FAM234B: variants seen among roughly 807,000 people sequenced by gnomAD.
The protein encoded by FAM234B is protein FAM234B.
FAM234B carries 33 observed loss-of-function variants against 69.3 expected under a neutral mutation model. That is an observed-to-expected ratio of 0.48 (90% CI 0.36 to 0.64). FAM234B has a LOEUF of 0.64. Ranked by LOEUF, FAM234B falls within the 30% of genes least tolerant of loss-of-function variation. The pLI, the probability that FAM234B is intolerant of heterozygous loss-of-function variation, is 0.00. For synonymous variants in FAM234B, 306 were observed against 306.9 expected, an observed-to-expected ratio of 1.00 and a Z score of 0.03; for missense variants, 697 against 769.7, an observed-to-expected ratio of 0.91 and a Z score of 1.12.
chr12:13,073,908 A>C (rs1865134594), intron 10 of FAM234B, among the ~76,000 whole-genome samples: 1 of 152,186 alleles, frequency 6.6e-6, no homozygotes, highest in Admixed American at 6.5e-5. Flanking sequence ...CCCTCGTGAA[A>C]ATGAGCTATC....
chr12:13,049,750 T>C (rs1864854882), intron 1 of FAM234B, among the ~76,000 whole-genome samples: 1 of 152,236 alleles, frequency 6.6e-6, no homozygotes, highest in African/African-American at 2.4e-5. Context: ...GGGAAGTATA[T>C]GTTCATTATT....
chr12:13,044,894 G>T lies in FAM234B; in HGVS notation c.37+454G>T, dbSNP rs548273980. On this transcript the variant is annotated intron_variant, in intron 1 of 12. Transcript: ENST00000197268. This position sits in a 1 kb window ranked among gnomAD's most constrained non-coding sequence, Gnocchi z 5.6. ...CCCTCCACCTAACGGCAGCAACGAC[G>T]CATCCATGAGGCAGGTGGGACAGGT... Among the ~76,000 whole-genome samples, 2 of 152,334 alleles carry T rather than the reference G, an allele frequency of 1.3e-5. No homozygotes were observed. The highest frequency in any genetic ancestry group is 4.1e-4 in the South Asian group (2 of 4,828).
chr12:13,053,074 T>A (rs1184053567), intron 1 of FAM234B, among the ~76,000 whole-genome samples: 2 of 152,228 alleles, frequency 1.3e-5, no homozygotes, highest in Non-Finnish European at 2.9e-5. Context: ...CTGAAAGTAC[T>A]ATTTTGAATT....
At chr12:13,078,120 G>GT (rs1266049826) in intron 11 of FAM234B, among the ~76,000 whole-genome samples, 12 of 151,644 alleles carry the variant, frequency 7.9e-5, no homozygotes, top group African/African-American at 2.4e-4. Flanking sequence ...GGGGTTGTTT[G>GT]TTTTTTTCTT....
intron 5 of FAM234B, among the ~76,000 whole-genome samples, chr12:13,066,075 GACTGCTTT>G (rs1865033047): frequency 6.6e-6 from 1 of 152,160 alleles, no homozygotes; most frequent in South Asian, 2.1e-4. Flanking sequence ...TGTTATTTAT[GACTGCTTT>G]CACACAAGAA....
rs764989132 is a variant in FAM234B at position 13,055,654 on chromosome 12, C to A, written c.141C>A (p.Val47=). 1.9e-6 allele frequency: 3 copies of A among 1,614,008 alleles called. No homozygotes were observed. In the African/African-American group the frequency reaches 4.0e-5, roughly 22 times the overall value. ...TTAACCTGCAGAAGAATGGAGGGGT[C>A]AAAAATGGGAAGAGTCCTTTGGGAG... ...LVLNLQKNGG[V]KNGKSPLGEA... The change falls in exon 2 of 13, where the codon GTC becomes GTA. Residue 47 remains valine, a synonymous_variant. Transcript: ENST00000197268.
intron 1 of FAM234B, among the ~76,000 whole-genome samples, chr12:13,048,624 C>T (rs1864838664): frequency 6.6e-6 from 1 of 151,514 alleles, no homozygotes; most frequent in African/African-American, 2.4e-5. Context: ...TTTTTAAAGC[C>T]TTGATTTTTT....
At chr12:13,072,294 A>G (rs549012781) in intron 10 of FAM234B, among the ~76,000 whole-genome samples, 2 of 152,274 alleles carry the variant, frequency 1.3e-5, no homozygotes, top group Admixed American at 6.5e-5. Flanking sequence ...TGAGGATCAG[A>G]TTTACCTAAA....
At chr12:13,066,220 C>T (rs974254074) in intron 5 of FAM234B, among the ~76,000 whole-genome samples, 14 of 152,150 alleles carry the variant, frequency 9.2e-5, no homozygotes, top group African/African-American at 2.2e-4. Flanking sequence ...TGTCCAGGCC[C>T]GACATCTGGT....
Position 13,055,821 on chromosome 12 carries a change from G to T in FAM234B, c.308G>T (p.Arg103Leu). The stretch of plus-strand genomic sequence containing the variant: ...GCCTCCTCCCTGGTGTCATATGTGC[G>T]CACGTCTGTCTTCCTGCTGACTTTG... ...KAASSLVSYV[R>L]TSVFLLTLGI... The change falls in exon 2 of 13, where the codon CGC (arginine) becomes CTC (leucine). Residue 103 changes from arginine (R) to leucine (L), a missense_variant. By Grantham distance (102) the Arg-to-Leu change is moderately radical (BLOSUM62 -2). Around this residue, in one of 3 missense-constraint regions of FAM234B, gnomAD observed 380 missense variants for 447.1 expected, o/e 0.85. Transcript: ENST00000197268. The T allele has an allele frequency of 1.2e-6, 2 of 1,614,120 alleles. No individual in the cohort carries two copies. Among genetic ancestry groups the T allele is most frequent in the Non-Finnish European group, 1.7e-6 (2 of 1,180,018 alleles).
intron 1 of FAM234B, among the ~76,000 whole-genome samples, chr12:13,047,781 G>A (rs916244606): frequency 3.3e-5 from 5 of 152,200 alleles, no homozygotes; most frequent in Non-Finnish European, 7.3e-5. Flanking sequence ...AGTGCCCTAA[G>A]CTTGGAAGCT....
rs1865248913 is a variant in FAM234B, at chr12:13,082,600, G to A, written c.*1970G>A. The A allele has an allele frequency of 6.6e-6, 1 of 152,154 alleles. No individual in the cohort carries two copies. Among genetic ancestry groups the A allele is most frequent in the South Asian group, 2.1e-4 (1 of 4,828 alleles). The allele number at this position is 152,154 out of a possible 1,614,324, so 9.4% of individuals were successfully genotyped here. ...GATTTGAATCTACTTGAGTTTAAGG[G>A]CCTGGGACCTAATTTGGTTTAGTAT... On this transcript the variant is annotated 3_prime_UTR_variant, in exon 13 of 13. Transcript: ENST00000197268.
chr12:13,045,908 T>C (rs1454404743), intron 1 of FAM234B, among the ~76,000 whole-genome samples: 5 of 152,088 alleles, frequency 3.3e-5, no homozygotes, highest in Admixed American at 6.5e-5. Flanking sequence ...TGAGAATGCA[T>C]GAAAATCTTG....
In FAM234B at chr12:13,071,320, CCT is replaced by C. The variant is rs1565511350; in HGVS notation, c.1450_1451del (p.Ala485SerfsTer30). 1 of 1,614,152 alleles carries C rather than the reference CCT, an allele frequency of 6.2e-7. No individual in the cohort carries two copies. Among genetic ancestry groups the C allele is most frequent in the African/African-American group, 1.3e-5 (1 of 75,038 alleles). On this transcript the variant is annotated frameshift_variant, in exon 10 of 13. Coordinates refer to ENST00000197268, the MANE Select transcript of FAM234B (RefSeq NM_020853.2). LOFTEE classifies it high-confidence loss of function. ...TGTCACATGAAAGAAACGCCAGCCA[CCT>C]CAGCAGTTACTTCAGACCAGAAGTC...
In FAM234B at chr12:13,077,377, G is replaced by A. The variant is rs1465531811; in HGVS notation, c.1642+1234G>A. ...GCTGGTGTGCTGCACCCATTAACTC[G>A]TCATCTAGCATTAGGTATATCTCCT... On this transcript the variant is annotated intron_variant, in intron 11 of 12. Coordinates refer to ENST00000197268, the MANE Select transcript of FAM234B (RefSeq NM_020853.2). 3.3e-5 allele frequency among the ~76,000 whole-genome samples: 5 copies of A among 149,696 alleles called. No individual in the cohort carries two copies. In the East Asian group the frequency reaches 5.9e-4, roughly 18 times the overall value.
rs977860141 is a variant in FAM234B at position 13,048,643 on chromosome 12, G to A, written c.37+4203G>A. On this transcript the variant is annotated intron_variant, in intron 1 of 12. Coordinates refer to ENST00000197268, the MANE Select transcript of FAM234B (RefSeq NM_020853.2). ...TAAAGCCTTGATTTTTTTTCCACGG[G>A]ATCATATGTAGCCCGTACAGACTTT... Among the ~76,000 whole-genome samples the A allele has an allele frequency of 3.3e-5, 5 of 151,984 alleles. No individual in the cohort carries two copies. In the East Asian group the frequency reaches 7.7e-4, roughly 23 times the overall value.
chr12:13,070,005 C>A (rs1030529100), intron 9 of FAM234B, among the ~76,000 whole-genome samples: 3 of 151,850 alleles, frequency 2.0e-5, no homozygotes, highest in Non-Finnish European at 4.4e-5. Context: ...TGAGTTTCAG[C>A]CCTGGGTTTT....
intron 11 of FAM234B, among the ~76,000 whole-genome samples, chr12:13,079,320 G>A (rs1013514430): frequency 1.4e-4 from 21 of 152,182 alleles, no homozygotes; most frequent in African/African-American, 5.1e-4. Context: ...ATGGTGCTGG[G>A]AAAACTGGCT....
chr12:13,075,441 TTTTTTTTA>T (rs1565512243), intron 10 of FAM234B, among the ~76,000 whole-genome samples: 1 of 148,562 alleles, frequency 6.7e-6, no homozygotes, highest in Non-Finnish European at 1.5e-5. Context: ...TTCTTTTTTT[TTTTTTTTA>T]TTTTTTGAGA....
Sources: gnomAD v4.1 joint callset for allele counts (sites outside exome capture counted in the v4.1 genomes callset) on GRCh38, gnomAD v4.1.1 for gene constraint, gnomAD v4.1.1 regional missense constraint, Gnocchi (gnomAD v3.1) non-coding constraint, MANE v1.5 for transcripts, NCBI Gene and HGNC (gene_info 2026-07-23, HGNC 2026-07-21) for gene names.